CYP11A1: variants seen among roughly 807,000 people sequenced by gnomAD.
CYP11A1 encodes cytochrome P450 family 11 subfamily A member 1.
A neutral mutation model predicts 51.9 loss-of-function variants in CYP11A1; 25 were observed. The observed-to-expected ratio is 0.48, with a 90% CI of 0.35 to 0.67. CYP11A1 has a LOEUF of 0.67. Among genes scored for constraint, CYP11A1 ranks in the 30% least tolerant of loss-of-function variants. The probability of loss-of-function intolerance (pLI) is 0.00; values close to 1 mark genes in which losing one functional copy is unlikely to be tolerated. For missense variants in CYP11A1, 578 were observed against 680.9 expected (o/e 0.85, Z 1.68); for synonymous variants, 245 against 262.1 (o/e 0.93, Z 0.63).
rs1407061254 is a variant in CYP11A1 at position 74,337,996 on chromosome 15, A to G, written c.1542T>C (p.Phe514=). 1.2e-6 allele frequency: 2 copies of G among 1,613,984 alleles called. No homozygotes were observed. The highest frequency in any genetic ancestry group is 4.5e-5 in the East Asian group (2 of 44,882). ...ATCACTGCTGGGTTGCTTCCTGGTT[A>G]AAGGGCCAGAAGGTGAAGGAGATGG... is the stretch of plus-strand genomic sequence containing the variant. ...EKPISFTFWP[F]NQEATQQ is the part of the protein sequence containing the mutation. Residue 514 remains phenylalanine (F), a synonymous_variant, in exon 9 of 9, where the codon TTT becomes TTC. Coordinates refer to ENST00000268053, the MANE Select transcript of CYP11A1 (RefSeq NM_000781.3).
chr15:74,356,060 C>T (rs1219057843), intron 1 of CYP11A1, among the ~76,000 whole-genome samples: 1 of 152,246 alleles, frequency 6.6e-6, no homozygotes, highest in Non-Finnish European at 1.5e-5. Context: ...GGCAGCCAGA[C>T]AGCAACACAT....
At chr15:74,361,690 G>T (rs939500444) in intron 1 of CYP11A1, 1 of 1,226,650 alleles carries the variant, frequency 8.2e-7, no homozygotes, top group Admixed American at 1.7e-5. Flanking sequence ...GAAGGATTTG[G>T]TTATAAGGGT....
intron 1 of CYP11A1, among the ~76,000 whole-genome samples, chr15:74,365,183 C>T (rs1044076247): frequency 2.0e-5 from 3 of 151,930 alleles, no homozygotes; most frequent in Non-Finnish European, 4.4e-5. Context: ...TGCGCCACCT[C>T]CGTTCCCTCT....
At chr15:74,347,136 T>C (rs1377644582) in intron 2 of CYP11A1, among the ~76,000 whole-genome samples, 1 of 151,958 alleles carries the variant, frequency 6.6e-6, no homozygotes, top group African/African-American at 2.4e-5. Context: ...GGGGTGGGTA[T>C]GGTGGCTCAT....
intron 1 of CYP11A1, chr15:74,363,384 G>A (rs1302542466): frequency 2.6e-5 from 4 of 152,176 alleles, no homozygotes; most frequent in East Asian, 1.9e-4. Flanking sequence ...ACAGGTGCAC[G>A]TGACCACACC....
chr15:74,338,919 G>C (rs2060592512), intron 7 of CYP11A1, 151 bp from the exon 8 acceptor site: 1 of 777,770 alleles, frequency 1.3e-6, no homozygotes, highest in African/African-American at 1.7e-5. Context: ...TCTGCCCACT[G>C]TGCAGCCTTG....
At chr15:74,352,376 TCTC>T (rs1235342631) in intron 1 of CYP11A1, among the ~76,000 whole-genome samples, 2 of 150,774 alleles carry the variant, frequency 1.3e-5, no homozygotes, top group Non-Finnish European at 2.9e-5. Context: ...TTCAAACAAT[TCTC>T]CTGCCTCAGC....
At position 74,338,057 on chromosome 15, in the gene CYP11A1, C is replaced by T; in HGVS notation, c.1481G>A (p.Gly494Asp). 1 of 1,614,068 alleles carries T rather than the reference C, an allele frequency of 6.2e-7. No homozygotes were observed. The highest frequency in any genetic ancestry group is 1.1e-5 in the South Asian group (1 of 91,078). Residue 494 changes from glycine (G) to aspartate (D), a missense_variant, in exon 9 of 9, where the codon GGC (glycine) becomes GAC (aspartate). Coordinates refer to ENST00000268053, the MANE Select transcript of CYP11A1 (RefSeq NM_000781.3). ...CATCAGAATGAGGTTGAATGTGGTG[C>T]CCACATCGCTGAGGTGTTGGATTTC... The part of the protein sequence containing the change: ...RVEIQHLSDV[G>D]TTFNLILMPE...
intron 1 of CYP11A1, among the ~76,000 whole-genome samples, chr15:74,364,897 T>C (rs2060725028): frequency 6.6e-6 from 1 of 151,830 alleles, no homozygotes; most frequent in Admixed American, 6.6e-5. Flanking sequence ...TAGGGTGGGG[T>C]GCGGGGTGGG....
chr15:74,344,799 G>A lies in CYP11A1; in HGVS notation c.625+245C>T, dbSNP rs912501444. ...TACTTTGGGGACCCTTGCTCCTACAGCACAAATGCCAGATGAGAGAGAATG... is the reference window on the plus strand; with the variant it reads ...TACTTTGGGGACCCTTGCTCCTACAACACAAATGCCAGATGAGAGAGAATG... On this transcript the variant is annotated intron_variant, in intron 3 of 8. Coordinates refer to ENST00000268053, the MANE Select transcript of CYP11A1 (RefSeq NM_000781.3). 10 of 558,304 alleles carry A rather than the reference G, an allele frequency of 1.8e-5. 1 individual carries two copies. The highest frequency in any genetic ancestry group is 1.6e-4 in the South Asian group (8 of 51,484). The allele number at this position is 558,304 out of a possible 1,614,324, so 34.6% of individuals were successfully genotyped here.
intron 1 of CYP11A1, chr15:74,361,507 T>C: frequency 1.7e-6 from 1 of 577,998 alleles, no homozygotes; most frequent in Non-Finnish European, 3.2e-6. Flanking sequence ...AACCTGTCGC[T>C]TTGCAGATGC....
At position 74,348,008 on chromosome 15, in the gene CYP11A1, T is replaced by C; in HGVS notation, c.317A>G (p.Asp106Gly). The change falls in exon 2 of 9, where the codon GAT becomes GGT. Residue 106 changes from aspartate (D) to glycine (G), a missense_variant. Asp to Gly is a moderately conservative substitution (Grantham distance 94). Transcript: ENST00000268053. ...CTCGGACTTAAAGAGAAGGGCCACA[T>C]CTTCAGGGTCGATGACATAAACCGA... ...VESVYVIDPE[D>G]VALLFKSEGP... 6.2e-7 allele frequency: 1 copy of C among 1,614,154 alleles called. No individual in the cohort carries two copies. The highest frequency in any genetic ancestry group is 8.5e-7 in the Non-Finnish European group (1 of 1,180,016).
chr15:74,364,459 T>A (rs564355653), intron 1 of CYP11A1: 1 of 152,284 alleles, frequency 6.6e-6, no homozygotes, highest in South Asian at 2.1e-4. Context: ...GAATACTTCA[T>A]CCTCTCCATT....
intron 1 of CYP11A1, chr15:74,365,555 C>A (rs939729051): frequency 1.9e-6 from 1 of 524,174 alleles, no homozygotes; most frequent in Non-Finnish European, 2.5e-6. Flanking sequence ...GGCTTGTTCT[C>A]TAACCACCTC....
intron 1 of CYP11A1, among the ~76,000 whole-genome samples, chr15:74,352,191 T>C (rs2060659300): frequency 6.6e-6 from 1 of 151,840 alleles, no homozygotes; most frequent in African/African-American, 2.4e-5. Context: ...AAATTATTGG[T>C]GGAATAAAAA....
chr15:74,356,775 A>C (rs545955212), intron 1 of CYP11A1, among the ~76,000 whole-genome samples: 22 of 152,060 alleles, frequency 1.4e-4, no homozygotes, highest in Admixed American at 7.9e-4. Context: ...CCCCAGTTTA[A>C]AGCCTCCTTC....
chr15:74,348,114 C>G, intron 1 of CYP11A1, 59 bp from the exon 2 acceptor site: 1 of 1,581,272 alleles, frequency 6.3e-7, no homozygotes, highest in Non-Finnish European at 8.6e-7. Flanking sequence ...TGGATACAGG[C>G]TCAGCACAGC....
intron 5 of CYP11A1, among the ~76,000 whole-genome samples, chr15:74,341,541 G>A (rs1026415094): frequency 4.6e-5 from 7 of 152,106 alleles, no homozygotes; most frequent in Non-Finnish European, 8.8e-5. Context: ...CTCCTCTGTG[G>A]AGCCTTCTCC....
intron 1 of CYP11A1, chr15:74,362,752 G>C (rs1163108114): frequency 6.6e-6 from 1 of 152,120 alleles, no homozygotes; most frequent in Admixed American, 6.5e-5. Context: ...ATTTTTTCTT[G>C]CTTATGCCTT....
Sources: allele counts gnomAD v4.1 joint callset (sites outside exome capture counted in the v4.1 genomes callset), GRCh38; gene constraint gnomAD v4.1.1; transcripts MANE v1.5; gene names NCBI Gene and HGNC (gene_info 2026-07-23, HGNC 2026-07-21).